Variants in ZFAND3 observed in about 807,000 individuals in gnomAD.
The protein encoded by ZFAND3 is AN1-type zinc finger protein 3.
ZFAND3 carries 10 observed loss-of-function variants against 29.6 expected under a neutral mutation model. The observed-to-expected ratio is 0.34, with a 90% CI of 0.21 to 0.57. The LOEUF is 0.57. Among genes scored for constraint, ZFAND3 ranks in the 20% least tolerant of loss-of-function variants. The pLI, the probability that ZFAND3 is intolerant of heterozygous loss-of-function variation, is 0.86. For synonymous variants in ZFAND3, 128 were observed against 112.6 expected (o/e 1.14, Z -0.87); for missense variants, 230 against 304.5 (o/e 0.76, Z 1.82).
intron 2 of ZFAND3, among the ~76,000 whole-genome samples, chr6:37,981,635 A>T (rs1396128496): frequency 1.3e-5 from 2 of 152,148 alleles, no homozygotes; most frequent in Non-Finnish European, 2.9e-5. Flanking sequence ...TTTTGATGGG[A>T]AACACCAAAA....
intron 4 of ZFAND3, among the ~76,000 whole-genome samples, chr6:38,103,587 T>C (rs1030192422): frequency 6.6e-6 from 1 of 152,042 alleles, no homozygotes; most frequent in Non-Finnish European, 1.5e-5. Flanking sequence ...TTCTCTCTTT[T>C]GGCAGATGAA....
intron 2 of ZFAND3, among the ~76,000 whole-genome samples, chr6:37,947,902 C>CT (rs573516537): frequency 1.2e-3 from 184 of 152,220 alleles, no homozygotes; most frequent in Non-Finnish European, 2.1e-3. Flanking sequence ...TATTTCCTTT[C>CT]TTTTTTTCCC....
intron 2 of ZFAND3, among the ~76,000 whole-genome samples, chr6:37,992,428 A>C (rs1762774795): frequency 6.6e-6 from 1 of 152,200 alleles, no homozygotes; most frequent in Non-Finnish European, 1.5e-5. Context: ...AGGAAAGTTA[A>C]AACACTAGAA....
At chr6:38,135,319 G>A (rs1765818369) in intron 5 of ZFAND3, among the ~76,000 whole-genome samples, 1 of 152,222 alleles carries the variant, frequency 6.6e-6, no homozygotes. Flanking sequence ...TAGCCCTATA[G>A]TTCATTGGAG....
At chr6:38,043,498 TCCTC>T (rs1763834713) in intron 2 of ZFAND3, among the ~76,000 whole-genome samples, 1 of 149,206 alleles carries the variant, frequency 6.7e-6, no homozygotes. Flanking sequence ...TCTCTTTTCT[TCCTC>T]CCTTCCTCCC....
At chr6:38,039,542 C>T (rs1217578980) in intron 2 of ZFAND3, among the ~76,000 whole-genome samples, 2 of 152,090 alleles carry the variant, frequency 1.3e-5, no homozygotes, top group Non-Finnish European at 2.9e-5. Flanking sequence ...AGATAAAATG[C>T]ATAAATTAGA....
At chr6:38,116,859 T>A in intron 5 of ZFAND3, 120 bp downstream of exon 5, 1 of 1,290,260 alleles carries the variant, frequency 7.8e-7, no homozygotes, top group Non-Finnish European at 1.1e-6. Flanking sequence ...TTTGCTACAG[T>A]AGTGCATGCG....
Position 37,839,169 on chromosome 6 carries a change from T to A in ZFAND3, c.71+19153T>A, listed in dbSNP as rs964000462. Among the ~76,000 whole-genome samples, 11 of 147,612 alleles carry A rather than the reference T, an allele frequency of 7.5e-5. 1 individual carries two copies. The highest frequency in any genetic ancestry group is 3.4e-4 in the Admixed American group (5 of 14,676). On this transcript the variant is annotated intron_variant, in intron 1 of 5. Transcript: ENST00000287218. The stretch of plus-strand genomic sequence containing the variant: ...AAATTGAGTTGTATGCCTTTTTACT[T>A]GTAAGTTGTAAAATTTCTTTTTTTT...
At chr6:38,138,417 A>G (rs1431260626) in intron 5 of ZFAND3, among the ~76,000 whole-genome samples, 1 of 149,688 alleles carries the variant, frequency 6.7e-6, no homozygotes, top group African/African-American at 2.5e-5. Flanking sequence ...TCTCAGGTCA[A>G]TTTTTTTTTT....
chr6:37,986,056 G>A (rs905862582), intron 2 of ZFAND3, among the ~76,000 whole-genome samples: 8 of 152,220 alleles, frequency 5.3e-5, no homozygotes, highest in African/African-American at 1.9e-4. Flanking sequence ...AGTAGACATT[G>A]TCTGCAGATA....
intron 2 of ZFAND3, among the ~76,000 whole-genome samples, chr6:38,021,653 T>C (rs772002840): frequency 6.6e-6 from 1 of 152,240 alleles, no homozygotes; most frequent in Non-Finnish European, 1.5e-5. Context: ...TCTGAAGATA[T>C]ATGGGTGAAA....
chr6:38,117,376 C>T (rs922975568), intron 5 of ZFAND3, among the ~76,000 whole-genome samples: 5 of 151,372 alleles, frequency 3.3e-5, no homozygotes, highest in African/African-American at 1.2e-4. Flanking sequence ...TTACAGTCAC[C>T]TTTCCTTCTG....
intron 1 of ZFAND3, among the ~76,000 whole-genome samples, chr6:37,907,564 A>G (rs771865153): frequency 9.2e-5 from 14 of 152,090 alleles, no homozygotes; most frequent in East Asian, 3.9e-4. Context: ...CTGTAGTTCT[A>G]TTTTTTATTA....
At chr6:37,932,284 A>G (rs961324008) in intron 2 of ZFAND3, among the ~76,000 whole-genome samples, 1 of 152,246 alleles carries the variant, frequency 6.6e-6, no homozygotes, top group African/African-American at 2.4e-5. Flanking sequence ...TAAATAAATA[A>G]AAGGACTGTA....
At position 38,008,122 on chromosome 6, in the gene ZFAND3, G is replaced by C. The variant is rs187025287; in HGVS notation, c.113-53471G>C. Among the ~76,000 whole-genome samples the C allele has an allele frequency of 3.7e-4, 56 of 152,184 alleles. 1 individual carries two copies. The highest frequency in any genetic ancestry group is 3.3e-3 in the Admixed American group (50 of 15,282). On this transcript the variant is annotated intron_variant, in intron 2 of 5. Transcript: ENST00000287218. ...TTTCTGAAAACAAGGGTTTCAGTTA[G>C]GTAACTTTCACATAGCCTTTGCCTT...
chr6:38,042,405 C>T (rs1406209765), intron 2 of ZFAND3, among the ~76,000 whole-genome samples: 1 of 151,670 alleles, frequency 6.6e-6, no homozygotes, highest in Non-Finnish European at 1.5e-5. Flanking sequence ...ACTCCACCTC[C>T]CGGGTTCAAG....
chr6:38,142,371 T>C (rs1004647177), intron 5 of ZFAND3: 3 of 471,016 alleles, frequency 6.4e-6, no homozygotes, highest in Non-Finnish European at 1.3e-5. Flanking sequence ...AAAGGTGCCT[T>C]CAGGGAGGCT....
chr6:38,131,454 T>C (rs1765740065), intron 5 of ZFAND3, among the ~76,000 whole-genome samples: 1 of 152,242 alleles, frequency 6.6e-6, no homozygotes, highest in South Asian at 2.1e-4. Flanking sequence ...TACCCCCAAG[T>C]TAGACCATAC....
intron 4 of ZFAND3, among the ~76,000 whole-genome samples, chr6:38,114,811 C>G (rs1369519383): frequency 1.3e-5 from 2 of 152,172 alleles, no homozygotes; most frequent in Non-Finnish European, 2.9e-5. Flanking sequence ...TTAGGACTGC[C>G]TAGGAGACAA....
Sources: allele counts gnomAD v4.1 joint callset (sites outside exome capture counted in the v4.1 genomes callset), GRCh38; gene constraint gnomAD v4.1.1; transcripts MANE v1.5; gene names NCBI Gene and HGNC (gene_info 2026-07-23, HGNC 2026-07-21).